ATP8B4: variants seen among roughly 807,000 people sequenced by gnomAD.
ATP8B4 encodes probable phospholipid-transporting ATPase IM.
Under a neutral mutation model 145.6 loss-of-function variants are expected in ATP8B4, and 133 were observed. That is an observed-to-expected ratio of 0.91 (90% confidence interval 0.79 to 1.05). ATP8B4 has a LOEUF of 1.05. ATP8B4 is among the 50% of genes least tolerant of loss of function. ATP8B4 has a pLI of 0.00. For missense variants in ATP8B4, 1,458 were observed against 1,425.2 expected, an observed-to-expected ratio of 1.02 and a Z score of -0.37; for synonymous variants, 507 against 492.9, an observed-to-expected ratio of 1.03 and a Z score of -0.38.
chr15:50,001,799 GTCCT>G (rs1464129104), intron 8 of ATP8B4, among the ~76,000 whole-genome samples: 1 of 151,968 alleles, frequency 6.6e-6, no homozygotes, highest in African/African-American at 2.4e-5. Flanking sequence ...AGTAACATCA[GTCCT>G]TCCTTCCCTC....
chr15:50,020,934 C>G (rs927036629), intron 6 of ATP8B4, among the ~76,000 whole-genome samples: 1 of 152,080 alleles, frequency 6.6e-6, no homozygotes, highest in African/African-American at 2.4e-5. Context: ...ATATGACATA[C>G]AGGATTTGCT....
intron 1 of ATP8B4, among the ~76,000 whole-genome samples, chr15:50,174,167 A>C (rs535468887): frequency 6.6e-6 from 1 of 152,212 alleles, no homozygotes; most frequent in Admixed American, 6.5e-5. Flanking sequence ...GCCATCTATG[A>C]CAAACCCACA....
At chr15:49,920,149 G>A in intron 18 of ATP8B4, 97 bp downstream of exon 18, 1 of 1,426,180 alleles carries the variant, frequency 7.0e-7, no homozygotes, top group Non-Finnish European at 9.6e-7. Context: ...TCTGCTGTGT[G>A]CAAGATGACT....
chr15:49,925,717 A>C (rs1398328981), intron 16 of ATP8B4, among the ~76,000 whole-genome samples: 1 of 152,150 alleles, frequency 6.6e-6, no homozygotes, highest in Non-Finnish European at 1.5e-5. Context: ...CCCTTAACCT[A>C]GTATTTGTCC....
chr15:50,139,999 G>C (rs1173600330), intron 1 of ATP8B4, among the ~76,000 whole-genome samples: 1 of 131,478 alleles, frequency 7.6e-6, no homozygotes, highest in East Asian at 2.5e-4. Flanking sequence ...TGGTATGATG[G>C]ACTTTAGAGA....
At chr15:50,009,526 T>G in intron 7 of ATP8B4, 1 of 357,146 alleles carries the variant, frequency 2.8e-6, no homozygotes, top group Non-Finnish European at 5.5e-6. Context: ...GAAGATAAAG[T>G]CTTTACTGTC....
intron 23 of ATP8B4, among the ~76,000 whole-genome samples, chr15:49,886,761 T>A (rs1014752618): frequency 2.6e-5 from 4 of 152,184 alleles, no homozygotes; most frequent in African/African-American, 9.7e-5. Context: ...GGCATTGGCT[T>A]AGCACAGTTT....
At chr15:50,012,523 C>T (rs996328506) in intron 6 of ATP8B4, among the ~76,000 whole-genome samples, 3 of 152,158 alleles carry the variant, frequency 2.0e-5, no homozygotes, top group Non-Finnish European at 2.9e-5. Context: ...ATCCAAACTA[C>T]TTCATCAATA....
At chr15:50,156,090 A>T (rs181782214) in intron 1 of ATP8B4, among the ~76,000 whole-genome samples, 1 of 2,944 alleles carries the variant, frequency 3.4e-4, no homozygotes, top group African/African-American at 4.6e-4. Flanking sequence ...ATATATATAT[A>T]TAAATATATA....
At chr15:50,067,556 C>T (rs1453092740) in intron 3 of ATP8B4, among the ~76,000 whole-genome samples, 1 of 152,198 alleles carries the variant, frequency 6.6e-6, no homozygotes, top group Non-Finnish European at 1.5e-5. Context: ...CTAGCATTTA[C>T]AGGCCACATC....
chr15:49,867,862 A>C (rs1380675497), intron 25 of ATP8B4, among the ~76,000 whole-genome samples: 2 of 152,242 alleles, frequency 1.3e-5, no homozygotes, highest in Non-Finnish European at 2.9e-5. Flanking sequence ...AAACCAAAGA[A>C]TAGTCAATGA....
Position 50,002,144 on chromosome 15 carries a change from A to T in ATP8B4, c.506+9T>A. 6.3e-7 allele frequency: 1 copy of T among 1,594,052 alleles called. No individual in the cohort carries two copies. Among genetic ancestry groups the T allele is most frequent in the South Asian group, 1.1e-5 (1 of 89,668 alleles). ...AACCAACCAAATTATTCTAATTTTA[A>T]TAACTTACCCATCAAGCTCAGCAGT... On this transcript the variant is annotated intron_variant, in intron 8 of 27. Coordinates refer to ENST00000284509, the MANE Select transcript of ATP8B4 (RefSeq NM_024837.4).
At chr15:50,024,391 C>G (rs1408177946) in intron 6 of ATP8B4, among the ~76,000 whole-genome samples, 2 of 152,140 alleles carry the variant, frequency 1.3e-5, no homozygotes, top group Non-Finnish European at 2.9e-5. Flanking sequence ...TCTCCAAAAC[C>G]AAGGGCATCA....
chr15:50,078,582 T>C (rs1490020518), intron 2 of ATP8B4, among the ~76,000 whole-genome samples: 1 of 151,032 alleles, frequency 6.6e-6, no homozygotes, highest in African/African-American at 2.4e-5. Context: ...ACATAGACAA[T>C]GGATAGGTAA....
At chr15:49,880,853 C>T (rs562082513) in intron 23 of ATP8B4, among the ~76,000 whole-genome samples, 2 of 151,436 alleles carry the variant, frequency 1.3e-5, no homozygotes, top group Admixed American at 1.3e-4. Flanking sequence ...TGGCTCACAC[C>T]TGTAATCCCA....
At chr15:49,946,255 A>G (rs2042557242) in intron 14 of ATP8B4, among the ~76,000 whole-genome samples, 1 of 152,230 alleles carries the variant, frequency 6.6e-6, no homozygotes, top group South Asian at 2.1e-4. Context: ...CATCTAAAGT[A>G]ACATCAAAAA....
At chr15:50,177,016 C>A (rs7162511) in intron 1 of ATP8B4, among the ~76,000 whole-genome samples, 13,577 of 152,214 alleles carry the variant, frequency 0.089, 806 homozygotes, top group African/African-American at 0.16. Context: ...TGCCTATACT[C>A]AAATGGTACC....
At chr15:50,118,250 T>C (rs2057211730) in intron 1 of ATP8B4, among the ~76,000 whole-genome samples, 1 of 152,208 alleles carries the variant, frequency 6.6e-6, no homozygotes, top group South Asian at 2.1e-4. Context: ...TGGTAAATGT[T>C]TGAGGTGATA....
At chr15:49,942,741 C>G (rs1020670357) in intron 14 of ATP8B4, among the ~76,000 whole-genome samples, 20 of 152,172 alleles carry the variant, frequency 1.3e-4, no homozygotes, top group Non-Finnish European at 1.8e-4. Context: ...AGGAGAATGG[C>G]ATGAACCTGG....
Sources: allele counts gnomAD v4.1 joint callset (sites outside exome capture counted in the v4.1 genomes callset), GRCh38; gene constraint gnomAD v4.1.1; transcripts MANE v1.5; gene names NCBI Gene and HGNC (gene_info 2026-07-23, HGNC 2026-07-21).